SLC44A1: variants seen among roughly 807,000 people sequenced by gnomAD.
The protein encoded by SLC44A1 is solute carrier family 44 member 1, also known as choline transporter-like protein 1.
In SLC44A1, 26 loss-of-function variants were observed where a neutral mutation model predicts 79.3. That is an observed-to-expected ratio of 0.33 (90% CI 0.24 to 0.46). The LOEUF (loss-of-function observed/expected upper bound fraction) is 0.46. Ranked by LOEUF, SLC44A1 falls within the 20% of genes least tolerant of loss-of-function variation. The probability of loss-of-function intolerance (pLI) is 1.00; values close to 1 mark genes in which losing one functional copy is unlikely to be tolerated. For missense variants in SLC44A1, 688 were observed against 798.1 expected, an observed-to-expected ratio of 0.86 and a Z score of 1.66; for synonymous variants, 263 against 286.2, an observed-to-expected ratio of 0.92 and a Z score of 0.82.
rs1462268338 is a variant in SLC44A1 at position 105,351,604 on chromosome 9, AAGAAAGAAAGAAAGAAAGAGAGAGAAAG to A, written c.500+3173_500+3200del. On this transcript the variant is annotated intron_variant, in intron 5 of 15. Coordinates refer to ENST00000374720, the MANE Select transcript of SLC44A1 (RefSeq NM_080546.5). ...AGAGAGAAAGAGAGAAAGAGAAAGA[AAGAAAGAAAGAAAGAAAGAGAGAGAAAG>A]AGAAAGAAAGAAAGAAAGAAAGAAA... Among the ~76,000 whole-genome samples, 367 of 56,580 alleles carry A rather than the reference AAGAAAGAAAGAAAGAAAGAGAGAGAAAG, an allele frequency of 6.5e-3. 4 individuals are homozygous for A. Among genetic ancestry groups the A allele is most frequent in the African/African-American group, 0.022 (351 of 15,866 alleles). The allele number at this position is 56,580 out of a possible 152,430, so 37.1% of individuals were successfully genotyped here. A position where few individuals can be genotyped will look rare whatever the true frequency, so the allele number is the denominator to read the frequency against.
chr9:105,428,671 A>C (rs1013249999), intron 15 of SLC44A1, among the ~76,000 whole-genome samples: 4 of 152,236 alleles, frequency 2.6e-5, no homozygotes, highest in Non-Finnish European at 5.9e-5. Context: ...TCACTACTAG[A>C]ATTATGACTA....
At chr9:105,308,074 T>C (rs983971373) in intron 2 of SLC44A1, among the ~76,000 whole-genome samples, 9 of 152,336 alleles carry the variant, frequency 5.9e-5, no homozygotes, top group South Asian at 4.1e-4. Context: ...ACAGCCTTTG[T>C]GGTAAGTGGT....
chr9:105,414,434 A>G (rs1369545032), intron 15 of SLC44A1, among the ~76,000 whole-genome samples: 1 of 152,208 alleles, frequency 6.6e-6, no homozygotes, highest in Non-Finnish European at 1.5e-5. Flanking sequence ...ATGCTCCCTC[A>G]GCACCCCCTG....
In SLC44A1 at chr9:105,396,933, G is replaced by A. The variant is rs1267084670; in HGVS notation, c.*7877G>A. Reference sequence around the variant, plus strand: ...CATGTGGGGGAACAAACATGTAGGTGCTTGAACATGCCCCACAGACACAGT... The same window carrying A: ...CATGTGGGGGAACAAACATGTAGGTACTTGAACATGCCCCACAGACACAGT... On this transcript the variant is annotated 3_prime_UTR_variant, in exon 16 of 16. Transcript: ENST00000374720. The A allele has an allele frequency of 1.0e-6, 1 of 985,098 alleles. No individual in the cohort carries two copies. The highest frequency in any genetic ancestry group is 1.1e-4 in the East Asian group (1 of 8,808). The allele number at this position is 985,098 out of a possible 1,614,324, so 61.0% of individuals were successfully genotyped here. A position where few individuals can be genotyped will look rare whatever the true frequency, so the allele number is the denominator to read the frequency against.
chr9:105,352,278 T>A (rs998134445), intron 5 of SLC44A1, among the ~76,000 whole-genome samples: 22 of 152,160 alleles, frequency 1.4e-4, no homozygotes, highest in Non-Finnish European at 2.4e-4. Context: ...CATGTGTAAT[T>A]GTTTATTTAT....
intron 3 of SLC44A1, among the ~76,000 whole-genome samples, chr9:105,320,715 G>A (rs75856130): frequency 6.6e-6 from 1 of 152,200 alleles, no homozygotes; most frequent in African/African-American, 2.4e-5. Flanking sequence ...ATATAGCTGG[G>A]ACTATAGGTA....
chr9:105,283,741 A>C (rs1260424190), intron 1 of SLC44A1, among the ~76,000 whole-genome samples: 3 of 152,232 alleles, frequency 2.0e-5, no homozygotes, highest in Non-Finnish European at 4.4e-5. Context: ...GTCCTTTCTC[A>C]TTCCACCTTA....
At chr9:105,257,934 G>T (rs930804990) in intron 1 of SLC44A1, among the ~76,000 whole-genome samples, 1 of 152,184 alleles carries the variant, frequency 6.6e-6, no homozygotes, top group African/African-American at 2.4e-5. Context: ...GGAGTTTTCA[G>T]AGTGGTTTAA....
At chr9:105,345,083 C>A (rs764598133) in intron 4 of SLC44A1, among the ~76,000 whole-genome samples, 2 of 152,134 alleles carry the variant, frequency 1.3e-5, no homozygotes, top group African/African-American at 2.4e-5. Flanking sequence ...GACCTTGAAT[C>A]CAGGATATTT....
At chr9:105,340,270 C>G (rs1485566616) in intron 4 of SLC44A1, among the ~76,000 whole-genome samples, 1 of 152,130 alleles carries the variant, frequency 6.6e-6, no homozygotes, top group Non-Finnish European at 1.5e-5. Flanking sequence ...GGACATTATG[C>G]GAAGTGAAGT....
chr9:105,414,033 T>C lies in SLC44A1; in HGVS notation c.1951-24248T>C, dbSNP rs374855535. On this transcript the variant is annotated intron_variant, in intron 15 of 15. Transcript: ENST00000374724. ...GACTCAGGGCATGCTAAGCTTTCGC[T>C]GGACAGTTAGTGTTTGGTTTTTTTT... Among the ~76,000 whole-genome samples, 541 of 150,494 alleles carry C rather than the reference T, an allele frequency of 3.6e-3. 7 individuals are homozygous for C. Among genetic ancestry groups the C allele is most frequent in the African/African-American group, 0.013 (523 of 41,074 alleles).
At chr9:105,278,836 T>C (rs185530705) in intron 1 of SLC44A1, among the ~76,000 whole-genome samples, 11 of 152,340 alleles carry the variant, frequency 7.2e-5, no homozygotes, top group Middle Eastern at 3.4e-3. Context: ...AAGGTCATCT[T>C]ATATTGCCAA....
At chr9:105,374,026 C>T (rs776779162) in intron 12 of SLC44A1, among the ~76,000 whole-genome samples, 2 of 152,136 alleles carry the variant, frequency 1.3e-5, no homozygotes, top group Admixed American at 1.3e-4. Flanking sequence ...TGGGGTAAGA[C>T]TGTTTTCTCA....
At chr9:105,276,588 G>A (rs952994835) in intron 1 of SLC44A1, among the ~76,000 whole-genome samples, 1 of 148,002 alleles carries the variant, frequency 6.8e-6, no homozygotes, top group Non-Finnish European at 1.5e-5. Context: ...GTGTGTGTGT[G>A]TGTGTGTGTG....
chr9:105,357,559 A>G (rs1002559579), intron 6 of SLC44A1, among the ~76,000 whole-genome samples: 1 of 152,198 alleles, frequency 6.6e-6, no homozygotes, highest in Non-Finnish European at 1.5e-5. Flanking sequence ...AGAAATTTAT[A>G]AATTATTATT....
At chr9:105,368,780 G>A (rs530885076) in intron 12 of SLC44A1, among the ~76,000 whole-genome samples, 5 of 149,210 alleles carry the variant, frequency 3.4e-5, no homozygotes, top group African/African-American at 5.2e-5. Context: ...GCTCACGCCT[G>A]TAATCCCAAC....
chr9:105,353,036 A>G (rs1173391307), intron 5 of SLC44A1, among the ~76,000 whole-genome samples: 1 of 152,108 alleles, frequency 6.6e-6, no homozygotes, highest in Non-Finnish European at 1.5e-5. Flanking sequence ...TAATGTGCCT[A>G]TATATTATTT....
intron 4 of SLC44A1, among the ~76,000 whole-genome samples, chr9:105,343,683 T>G (rs138392638): frequency 2.3e-3 from 346 of 152,330 alleles, no homozygotes; most frequent in African/African-American, 7.8e-3. Context: ...TCCTTACATT[T>G]GATAATGCAG....
chr9:105,271,572 T>C (rs1295459782), intron 1 of SLC44A1, among the ~76,000 whole-genome samples: 7 of 152,178 alleles, frequency 4.6e-5, no homozygotes, highest in Admixed American at 4.6e-4. Context: ...AGTGTGTGTT[T>C]ATCTCTAGTG....
Sources: allele counts gnomAD v4.1 joint callset (sites outside exome capture counted in the v4.1 genomes callset), GRCh38; gene constraint gnomAD v4.1.1; transcripts MANE v1.5; gene names NCBI Gene and HGNC (gene_info 2026-07-23, HGNC 2026-07-21).